Variants in LGR6 observed in about 807,000 individuals in gnomAD.
The protein encoded by LGR6 is leucine rich repeat containing G protein-coupled receptor 6.
In LGR6, 45 loss-of-function variants were observed where a neutral mutation model predicts 69.4. That is an observed-to-expected ratio of 0.65 (90% CI 0.51 to 0.83). The LOEUF is 0.83. Among genes scored for constraint, LGR6 ranks in the 40% least tolerant of loss-of-function variants. The pLI, the probability that LGR6 is intolerant of heterozygous loss-of-function variation, is 0.00. For missense variants in LGR6, 1,108 were observed against 1,246.7 expected, an observed-to-expected ratio of 0.89 and a Z score of 1.68; for synonymous variants, 538 against 555.0, an observed-to-expected ratio of 0.97 and a Z score of 0.43.
chr1:202,197,312 C>T, intron 1 of LGR6: 2 of 488,006 alleles, frequency 4.1e-6, no homozygotes, highest in Non-Finnish European at 8.4e-6. Context: ...TTTGCCTTGA[C>T]ACACATGTCC....
intron 17 of LGR6, among the ~76,000 whole-genome samples, chr1:202,315,462 A>G (rs1245367949): frequency 6.6e-6 from 1 of 152,256 alleles, no homozygotes; most frequent in East Asian, 1.9e-4. Flanking sequence ...AAAGAAAGCA[A>G]AAAAGAAAAT....
At chr1:202,258,921 T>G (rs1163803127) in intron 4 of LGR6, among the ~76,000 whole-genome samples, 1 of 152,096 alleles carries the variant, frequency 6.6e-6, no homozygotes, top group East Asian at 1.9e-4. Context: ...AGTCTGATAC[T>G]GGATATCCTT....
At chr1:202,235,226 G>T (rs1661439067) in intron 3 of LGR6, among the ~76,000 whole-genome samples, 1 of 152,172 alleles carries the variant, frequency 6.6e-6, no homozygotes, top group African/African-American at 2.4e-5. Flanking sequence ...GGGTTCCCAG[G>T]TGCCCTGAGG....
chr1:202,310,380 T>C, intron 16 of LGR6, 23 bp downstream of exon 16: 1 of 1,610,964 alleles, frequency 6.2e-7, no homozygotes, highest in Non-Finnish European at 8.5e-7. Context: ...GGGCCCTGGG[T>C]TGGGGAGGGT....
intron 4 of LGR6, among the ~76,000 whole-genome samples, chr1:202,239,661 A>T (rs772255047): frequency 3.2e-4 from 49 of 152,240 alleles, no homozygotes; most frequent in Non-Finnish European, 5.9e-4. Flanking sequence ...CAAAGGAAAG[A>T]CAGACGGGGG....
intron 1 of LGR6, among the ~76,000 whole-genome samples, chr1:202,222,658 C>T (rs186674139): frequency 1.8e-3 from 275 of 152,300 alleles, no homozygotes; most frequent in Non-Finnish European, 2.1e-3. Context: ...GGGAGGAGTC[C>T]GATCTGGCCC....
intron 6 of LGR6, among the ~76,000 whole-genome samples, chr1:202,284,907 A>T (rs1666283869): frequency 6.6e-6 from 1 of 152,008 alleles, no homozygotes. Context: ...CCTTGTTATA[A>T]CCTCACTAAA....
At chr1:202,194,390 A>G (rs1658553405) in intron 1 of LGR6, among the ~76,000 whole-genome samples, 189 bp downstream of exon 1, 1 of 152,080 alleles carries the variant, frequency 6.6e-6, no homozygotes, top group South Asian at 2.1e-4. Flanking sequence ...ATACCAGGCG[A>G]GCAGGGAGAC....
At chr1:202,198,405 A>C (rs1205901877) in intron 1 of LGR6, among the ~76,000 whole-genome samples, 1 of 152,212 alleles carries the variant, frequency 6.6e-6, no homozygotes, top group Non-Finnish European at 1.5e-5. Flanking sequence ...GATGTTTGCA[A>C]AGGGTTTGGC....
At chr1:202,203,821 T>C (rs1658920662) in intron 1 of LGR6, 1 of 1,613,726 alleles carries the variant, frequency 6.2e-7, no homozygotes, top group African/African-American at 1.3e-5. Context: ...GGCCAAGGAA[T>C]GGGAAGACCA....
In LGR6 at chr1:202,318,992, C is replaced by T. The variant is rs906573668; in HGVS notation, c.2689C>T (p.Pro897Ser). 2.5e-6 allele frequency: 4 copies of T among 1,613,526 alleles called. No homozygotes were observed. Among genetic ancestry groups the T allele is most frequent in the African/African-American group, 1.3e-5 (1 of 74,912 alleles). Reference protein sequence around the residue: ...RPPGLETYGFPSVTLISCQQP... With the variant: ...RPPGLETYGFSSVTLISCQQP... ...CCCTGGGCTGGAGACCTATGGCTTC[C>T]CCTCAGTGACCCTCATCTCCTGTCA... Residue 897 changes from proline to serine, a missense_variant, in exon 18 of 18, where the codon CCC becomes TCC. Coordinates refer to ENST00000367278, the MANE Select transcript of LGR6 (RefSeq NM_001017403.2).
chr1:202,318,271 G>A lies in LGR6; in HGVS notation c.1968G>A (p.Ser656=), dbSNP rs138433750. 2,867 of 1,606,020 alleles carry A rather than the reference G, an allele frequency of 1.8e-3. 3 individuals are homozygous for A. The highest frequency in any genetic ancestry group is 2.3e-3 in the Non-Finnish European group (2,700 of 1,175,550). The change falls in exon 18 of 18, where the codon TCG becomes TCA. Residue 656 remains serine, a synonymous_variant. Transcript: ENST00000367278. ...GFLAVLGSEA[S]VLLLTLAAVQ... is the part of the protein sequence containing the mutation. ...TGGCAGTACTTGGGTCGGAGGCATC[G>A]GTGCTGCTGCTCACTCTGGCCGCAG...
chr1:202,213,872 G>A (rs1659576263), intron 1 of LGR6, among the ~76,000 whole-genome samples: 1 of 152,170 alleles, frequency 6.6e-6, no homozygotes, highest in African/African-American at 2.4e-5. Context: ...CATTATAAGG[G>A]CAGGCAGAGA....
chr1:202,266,311 A>G (rs1317096117), intron 4 of LGR6, among the ~76,000 whole-genome samples: 2 of 152,124 alleles, frequency 1.3e-5, no homozygotes, highest in East Asian at 3.9e-4. Flanking sequence ...CAAAGAATGT[A>G]TAGGCTCTCG....
At chr1:202,202,166 G>A (rs976251660) in intron 1 of LGR6, among the ~76,000 whole-genome samples, 1 of 152,134 alleles carries the variant, frequency 6.6e-6, no homozygotes, top group Admixed American at 6.5e-5. Flanking sequence ...ATGAGCCCAG[G>A]TTAGAATGAG....
intron 1 of LGR6, among the ~76,000 whole-genome samples, chr1:202,222,659 G>A (rs1048792690): frequency 3.3e-5 from 5 of 152,156 alleles, no homozygotes; most frequent in South Asian, 2.1e-4. Context: ...GGAGGAGTCC[G>A]ATCTGGCCCA....
chr1:202,291,314 A>G lies in LGR6; in HGVS notation c.717-6194A>G, dbSNP rs557946623. 2.1e-3 allele frequency among the ~76,000 whole-genome samples: 324 copies of G among 152,292 alleles called. 1 individual carries two copies. Among genetic ancestry groups the G allele is most frequent in the African/African-American group, 7.6e-3 (316 of 41,556 alleles). The stretch of plus-strand genomic sequence containing the variant: ...GGCTGATTGTGGGCTGTTAAAGATA[A>G]TAGTCTATTAAGCCATGGATGAGTT... On this transcript the variant is annotated intron_variant, in intron 6 of 17. Transcript: ENST00000367278.
chr1:202,311,354 T>A (rs1164214270), intron 16 of LGR6, among the ~76,000 whole-genome samples: 1 of 152,244 alleles, frequency 6.6e-6, no homozygotes, highest in African/African-American at 2.4e-5. Context: ...TCACTTTCCT[T>A]ATCTTTAAAT....
chr1:202,303,090 G>A (rs1237138507), intron 9 of LGR6, among the ~76,000 whole-genome samples, 189 bp from the exon 10 acceptor site: 1 of 152,154 alleles, frequency 6.6e-6, no homozygotes, highest in Non-Finnish European at 1.5e-5. Flanking sequence ...GCAAATGGCT[G>A]GTTGGACCCT....
Sources: gnomAD v4.1 joint callset for allele counts (sites outside exome capture counted in the v4.1 genomes callset) on GRCh38, gnomAD v4.1.1 for gene constraint, MANE v1.5 for transcripts, NCBI Gene and HGNC (gene_info 2026-07-23, HGNC 2026-07-21) for gene names.